Variants in DLGAP1 observed in about 807,000 individuals in gnomAD.
DLGAP1 encodes disks large-associated protein 1.
A neutral mutation model predicts 90.8 loss-of-function variants in DLGAP1; 11 were observed. The ratio of observed to expected loss-of-function variants is 0.12; its 90% CI spans 0.08 to 0.20. The LOEUF (loss-of-function observed/expected upper bound fraction) is 0.20. DLGAP1 is among the 10% of genes least tolerant of loss of function. The pLI is 1.00. For missense variants in DLGAP1, 1,050 were observed against 1,333.8 expected, an observed-to-expected ratio of 0.79 and a Z score of 3.31; for synonymous variants, 558 against 540.7, an observed-to-expected ratio of 1.03 and a Z score of -0.44.
At chr18:3,954,743 G>A (rs1294136130) in intron 3 of DLGAP1, among the ~76,000 whole-genome samples, 1 of 152,116 alleles carries the variant, frequency 6.6e-6, no homozygotes, top group African/African-American at 2.4e-5. Flanking sequence ...GTGTTACGAG[G>A]GGCAGATTTA....
intron 2 of DLGAP1, among the ~76,000 whole-genome samples, chr18:4,041,269 A>C (rs2074969991): frequency 6.6e-6 from 1 of 152,212 alleles, no homozygotes; most frequent in Non-Finnish European, 1.5e-5. Flanking sequence ...TGTCATCATC[A>C]TCATCATAGC....
intron 4 of DLGAP1, among the ~76,000 whole-genome samples, chr18:3,846,086 T>C (rs914419518): frequency 1.8e-5 from 2 of 111,098 alleles, no homozygotes; most frequent in Non-Finnish European, 3.8e-5. Context: ...GTGTGTCTCA[T>C]TTCGGGATGG....
chr18:3,646,234 A>G (rs1237284156), intron 7 of DLGAP1, among the ~76,000 whole-genome samples: 1 of 152,134 alleles, frequency 6.6e-6, no homozygotes, highest in African/African-American at 2.4e-5. Flanking sequence ...CATCTCTACA[A>G]AAATAAAAAG....
chr18:4,431,265 T>C (rs1156641079), intron 1 of DLGAP1: 2 of 152,268 alleles, frequency 1.3e-5, no homozygotes, highest in Non-Finnish European at 2.9e-5. Context: ...TGTGGTGTCA[T>C]TTAATACACA....
intron 1 of DLGAP1, among the ~76,000 whole-genome samples, chr18:4,314,829 G>C (rs952953468): frequency 6.6e-6 from 1 of 152,184 alleles, no homozygotes; most frequent in Non-Finnish European, 1.5e-5. Flanking sequence ...TTGGTAGACA[G>C]GCAGGTGACA....
At chr18:3,753,487 T>C (rs921651609) in intron 5 of DLGAP1, among the ~76,000 whole-genome samples, 8 of 152,176 alleles carry the variant, frequency 5.3e-5, no homozygotes, top group Admixed American at 1.3e-4. Flanking sequence ...CAGGCTGTTA[T>C]TGAAAACAAC....
rs1019407184 is a variant in DLGAP1, at chr18:3,523,743, G to A, written c.2479+10451C>T. On this transcript the variant is annotated intron_variant, in intron 10 of 12. Transcript: ENST00000315677. ...GCGCCCGTAGTCCCAGCTACACTGG[G>A]AGGCTGAGGCAGGAGAATGGTGTGA... 3.9e-5 allele frequency among the ~76,000 whole-genome samples: 6 copies of A among 152,024 alleles called. No individual in the cohort carries two copies. The South Asian group carries it at 8.3e-4, about 21-fold the overall frequency.
chr18:3,731,825 C>A (rs909504443), intron 6 of DLGAP1, among the ~76,000 whole-genome samples: 2 of 152,046 alleles, frequency 1.3e-5, no homozygotes, highest in South Asian at 4.1e-4. Context: ...TATAATAAGG[C>A]AAACATCCTG....
intron 2 of DLGAP1, among the ~76,000 whole-genome samples, chr18:4,068,567 G>T (rs1469422602): frequency 6.6e-6 from 1 of 151,952 alleles, no homozygotes; most frequent in African/African-American, 2.4e-5. Flanking sequence ...GCATAACTAT[G>T]CATTTTTAAC....
chr18:4,277,281 T>C (rs1430274139), intron 1 of DLGAP1, among the ~76,000 whole-genome samples: 3 of 152,246 alleles, frequency 2.0e-5, no homozygotes, highest in African/African-American at 4.8e-5. Context: ...AATTGCATAA[T>C]GTTACTTAAC....
intron 7 of DLGAP1, among the ~76,000 whole-genome samples, chr18:3,599,410 C>A (rs2056774423): frequency 1.3e-5 from 2 of 152,150 alleles, no homozygotes; most frequent in South Asian, 4.1e-4. Context: ...GGCATCACCG[C>A]ACTGTAAATA....
intron 1 of DLGAP1, among the ~76,000 whole-genome samples, chr18:4,445,317 T>C (rs908947175): frequency 2.0e-5 from 3 of 151,494 alleles, no homozygotes; most frequent in Non-Finnish European, 2.9e-5. Context: ...TTTATTATAC[T>C]TTAAGTTTTA....
chr18:3,550,734 CTTTTT>C (rs1165404588), intron 9 of DLGAP1, among the ~76,000 whole-genome samples: 1 of 85,202 alleles, frequency 1.2e-5, no homozygotes, highest in African/African-American at 4.1e-5. Flanking sequence ...GAACCAGACC[CTTTTT>C]TTTTTTTTTT....
intron 1 of DLGAP1, among the ~76,000 whole-genome samples, chr18:4,333,623 AT>A (rs373517542): frequency 7.3e-4 from 103 of 141,046 alleles, no homozygotes; most frequent in East Asian, 1.4e-3. Context: ...TATATATATA[AT>A]TTTTTTTTTT....
At chr18:3,580,207 T>G (rs1381167042) in intron 8 of DLGAP1, 48 of 1,569,714 alleles carry the variant, frequency 3.1e-5, no homozygotes, top group Non-Finnish European at 3.2e-5. Flanking sequence ...AAGTCAAACC[T>G]CCGGGTGGAC....
chr18:3,917,517 A>C (rs976585361), intron 3 of DLGAP1, among the ~76,000 whole-genome samples: 19 of 152,186 alleles, frequency 1.2e-4, no homozygotes, highest in African/African-American at 4.6e-4. Context: ...TGTATATGTT[A>C]TATAATATTT....
At chr18:3,996,906 T>C (rs1568341579) in intron 3 of DLGAP1, among the ~76,000 whole-genome samples, 1 of 152,066 alleles carries the variant, frequency 6.6e-6, no homozygotes, top group Non-Finnish European at 1.5e-5. Context: ...ATCAAATCTA[T>C]GATTTTGCAG....
chr18:3,979,276 G>A (rs1405640325), intron 3 of DLGAP1, among the ~76,000 whole-genome samples: 1 of 152,076 alleles, frequency 6.6e-6, no homozygotes, highest in Non-Finnish European at 1.5e-5. Flanking sequence ...AATATTTACC[G>A]TGGTGTTACA....
intron 5 of DLGAP1, among the ~76,000 whole-genome samples, chr18:3,805,545 A>G (rs1266269131): frequency 6.6e-6 from 1 of 152,244 alleles, no homozygotes; most frequent in African/African-American, 2.4e-5. Flanking sequence ...TATTTAAAAA[A>G]TGGTCATTCC....
Sources: gnomAD v4.1 joint callset for allele counts (sites outside exome capture counted in the v4.1 genomes callset) on GRCh38, gnomAD v4.1.1 for gene constraint, MANE v1.5 for transcripts, NCBI Gene and HGNC (gene_info 2026-07-23, HGNC 2026-07-21) for gene names.